The following SDK2 variants were observed in gnomAD, a reference collection of about 807,000 sequenced individuals.
SDK2 encodes protein sidekick-2.
SDK2 carries 105 observed loss-of-function variants against 253.9 expected under a neutral mutation model. That is an observed-to-expected ratio of 0.41 (90% CI 0.35 to 0.49). SDK2 has a LOEUF of 0.49. Among genes scored for constraint, SDK2 ranks in the 20% least tolerant of loss-of-function variants. The probability of loss-of-function intolerance (pLI) is 0.06; values close to 1 mark genes in which losing one functional copy is unlikely to be tolerated. For missense variants in SDK2, 2,608 were observed against 3,003.0 expected (o/e 0.87, Z 3.07); for synonymous variants, 1,249 against 1,234.9 (o/e 1.01, Z -0.24).
rs1307391978 is a variant in SDK2, at chr17:73,606,149, CTTA to C, written c.64+37873_64+37875del. Among the ~76,000 whole-genome samples the C allele has an allele frequency of 3.9e-5, 6 of 152,154 alleles. No homozygotes were observed. The East Asian group carries it at 9.6e-4, about 24-fold the overall frequency. On this transcript the variant is annotated intron_variant, in intron 1 of 44. Transcript: ENST00000392650. ...TTGGAGGGGCACACCATGCTTGTTG[CTTA>C]TTATTACTTTTTGCTTCACATCTTG...
Position 73,436,438 on chromosome 17 carries a change from G to A in SDK2, c.1001-794C>T, listed in dbSNP as rs188725547. On this transcript the variant is annotated intron_variant, in intron 8 of 44. Coordinates refer to ENST00000392650, the MANE Select transcript of SDK2 (RefSeq NM_001144952.2). ...CTAAAAATACAAAAATTATCCTGGT[G>A]TGCTGATGCATGCCTGTAATCCCAG... Among the ~76,000 whole-genome samples the A allele has an allele frequency of 1.6e-4, 25 of 152,148 alleles. No individual in the cohort carries two copies. The East Asian group carries it at 4.8e-3, about 29-fold the overall frequency.
chr17:73,423,999 C>T lies in SDK2; in HGVS notation c.1677G>A (p.Thr559=), dbSNP rs756114813. ...TGTACGTGCCGATGTCTCCCGACCACGTCTGTGAGATGTGCAGGGAGCCGT... is the reference window on the plus strand; with the variant it reads ...TGTACGTGCCGATGTCTCCCGACCATGTCTGTGAGATGTGCAGGGAGCCGT... ...DRNGSLHISQ[T]WSGDIGTYTC... The change falls in exon 13 of 45, where the codon ACG becomes ACA. Residue 559 remains threonine, a synonymous_variant. Transcript: ENST00000392650. 4.3e-6 allele frequency: 7 copies of T among 1,611,526 alleles called. No individual in the cohort carries two copies. In the East Asian group the frequency reaches 6.7e-5, roughly 15 times the overall value.
intron 6 of SDK2, 26 bp from the exon 7 acceptor site, chr17:73,438,180 G>A: frequency 6.5e-7 from 1 of 1,540,514 alleles, no homozygotes; most frequent in Non-Finnish European, 8.8e-7. Flanking sequence ...GAAGGCCAGT[G>A]TTCAGCCATG....
intron 40 of SDK2, among the ~76,000 whole-genome samples, chr17:73,355,693 T>C (rs1330009393): frequency 6.6e-6 from 1 of 152,122 alleles, no homozygotes; most frequent in Non-Finnish European, 1.5e-5. Context: ...CTTTGCTGGC[T>C]GTGAAATCCC....
chr17:73,338,677 G>C lies in SDK2; in HGVS notation c.6429C>G (p.Pro2143=). 6.3e-7 allele frequency: 1 copy of C among 1,589,678 alleles called. No homozygotes were observed. The highest frequency in any genetic ancestry group is 2.2e-5 in the East Asian group (1 of 44,624). The change falls in exon 45 of 45, where the codon CCC becomes CCG. Residue 2143 remains proline (P), a synonymous_variant. Transcript: ENST00000392650. This position sits in a 1 kb window ranked among gnomAD's most constrained non-coding sequence, Gnocchi z 5.0. ...GGTAGAGGGTGCTCTGCTGACTTGG[G>C]GGGTTAGGGGGGTTCTGGGGCGTTG... is the stretch of plus-strand genomic sequence containing the variant. ...RTPTPQNPPN[P]PSQQSTLYRP...
intron 2 of SDK2, among the ~76,000 whole-genome samples, chr17:73,492,046 C>T (rs1320189862): frequency 6.6e-6 from 1 of 152,068 alleles, no homozygotes. Context: ...CTTGTAGCTT[C>T]TACATTCACC....
At chr17:73,424,391 G>A (rs2063262426) in intron 12 of SDK2, among the ~76,000 whole-genome samples, 1 of 152,174 alleles carries the variant, frequency 6.6e-6, no homozygotes, top group South Asian at 2.1e-4. Flanking sequence ...CTGGCCAGAA[G>A]CGCTTGCAAA....
In SDK2 at chr17:73,599,641, AGGAG is replaced by A. The variant is rs548290501; in HGVS notation, c.64+44380_64+44383del. Among the ~76,000 whole-genome samples, 73 of 152,156 alleles carry A rather than the reference AGGAG, an allele frequency of 4.8e-4. 1 individual carries two copies. Among genetic ancestry groups the A allele is most frequent in the Admixed American group, 3.0e-3 (46 of 15,286 alleles). On this transcript the variant is annotated intron_variant, in intron 1 of 44. Transcript: ENST00000392650. ...AAGGGGGAAGAGGAAAGGATGAAGA[AGGAG>A]GGAGGGAGGGGAACACACATTAAGC...
In SDK2 at chr17:73,379,352, T is replaced by A; in HGVS notation, c.4865-60A>T. On this transcript the variant is annotated intron_variant, in intron 35 of 44. Coordinates refer to ENST00000392650, the MANE Select transcript of SDK2 (RefSeq NM_001144952.2). The surrounding 1 kb of genome is among the most constrained non-coding windows in gnomAD (Gnocchi z 4.5). ...AGTAAACCTGGGAGGGGAGGTGGGC[T>A]GGGCGGGATGGGGAGCCCAGATCCC... 1 of 516,822 alleles carries A rather than the reference T, an allele frequency of 1.9e-6. No homozygotes were observed. The highest frequency in any genetic ancestry group is 3.3e-4 in the Middle Eastern group (1 of 3,070). 32.0% of individuals were successfully genotyped at this position (516,822 alleles called of 1,614,324 possible).
At chr17:73,551,259 G>A (rs974515559) in intron 1 of SDK2, among the ~76,000 whole-genome samples, 3 of 152,146 alleles carry the variant, frequency 2.0e-5, no homozygotes, top group Admixed American at 6.6e-5. Context: ...CGTGATAAAT[G>A]CCCACACGCT....
At chr17:73,466,738 C>T (rs1567789349) in intron 3 of SDK2, among the ~76,000 whole-genome samples, 1 of 139,934 alleles carries the variant, frequency 7.1e-6, no homozygotes, top group African/African-American at 2.7e-5. Context: ...GGCTTAGGCT[C>T]TGCATCTTTG....
chr17:73,502,002 A>G (rs183042355), intron 2 of SDK2, among the ~76,000 whole-genome samples: 154 of 152,138 alleles, frequency 1.0e-3, no homozygotes, highest in Non-Finnish European at 1.7e-3. Context: ...TCTGACCCCA[A>G]TGATGGATGT....
chr17:73,466,606 C>T (rs1025328562), intron 3 of SDK2, among the ~76,000 whole-genome samples: 1 of 151,974 alleles, frequency 6.6e-6, no homozygotes, highest in African/African-American at 2.4e-5. Flanking sequence ...TCTTATGTTC[C>T]TCAAACGATT....
intron 1 of SDK2, among the ~76,000 whole-genome samples, chr17:73,604,760 C>T (rs1378721126): frequency 6.6e-6 from 1 of 152,094 alleles, no homozygotes; most frequent in South Asian, 2.1e-4. Flanking sequence ...TCAGCTTGGG[C>T]GGTGGGGCTA....
rs2046417789 is a variant in SDK2, at chr17:73,643,051, A to G, written c.64+974T>C. ...TCCGCCCCCAGCAGGCGCCGCTCGG[A>G]CACCGCTGACACCACTGTCTGGATC... On this transcript the variant is annotated intron_variant, in intron 1 of 44. Coordinates refer to ENST00000392650, the MANE Select transcript of SDK2 (RefSeq NM_001144952.2). The surrounding 1 kb of genome is among the most constrained non-coding windows in gnomAD (Gnocchi z 6.9). The G allele has an allele frequency of 6.6e-6, 1 of 152,220 alleles. No individual in the cohort carries two copies. Among genetic ancestry groups the G allele is most frequent in the Non-Finnish European group, 1.5e-5 (1 of 68,106 alleles). The allele number at this position is 152,220 out of a possible 1,614,324, so 9.4% of individuals were successfully genotyped here. A position where few individuals can be genotyped will look rare whatever the true frequency, so the allele number is the denominator to read the frequency against.
chr17:73,340,521 C>A (rs1324502571), intron 44 of SDK2, among the ~76,000 whole-genome samples: 1 of 152,138 alleles, frequency 6.6e-6, no homozygotes, highest in Non-Finnish European at 1.5e-5. Flanking sequence ...TCAACCACAA[C>A]CTACTAAGTT....
chr17:73,412,204 A>G (rs1476828638), intron 18 of SDK2, among the ~76,000 whole-genome samples: 11 of 149,278 alleles, frequency 7.4e-5, no homozygotes, highest in Admixed American at 3.4e-4. Flanking sequence ...ACATATACAT[A>G]TATGTATATG....
chr17:73,467,503 TG>T lies in SDK2; in HGVS notation c.331+4608del, dbSNP rs143910733. Among the ~76,000 whole-genome samples the T allele has an allele frequency of 6.6e-5, 10 of 152,236 alleles. No homozygotes were observed. The East Asian group carries it at 1.9e-3, about 29-fold the overall frequency. ...GGACGAGCACTGCTATGAGTGAGAA[TG>T]GTTTTGCCAAGTGCTGTGTTTCCCT... On this transcript the variant is annotated intron_variant, in intron 3 of 44. Transcript: ENST00000392650. The surrounding 1 kb of genome is among the most constrained non-coding windows in gnomAD (Gnocchi z 4.1).
At chr17:73,631,588 C>A (rs949664095) in intron 1 of SDK2, among the ~76,000 whole-genome samples, 1 of 152,186 alleles carries the variant, frequency 6.6e-6, no homozygotes, top group East Asian at 1.9e-4. Flanking sequence ...CCAGGAACCC[C>A]GGGGAACTGG....
Sources: gnomAD v4.1 joint callset for allele counts (sites outside exome capture counted in the v4.1 genomes callset) on GRCh38, gnomAD v4.1.1 for gene constraint, Gnocchi (gnomAD v3.1) non-coding constraint, MANE v1.5 for transcripts, NCBI Gene and HGNC (gene_info 2026-07-23, HGNC 2026-07-21) for gene names.